MAML3: variants seen among roughly 807,000 people sequenced by gnomAD.
MAML3 encodes the protein mastermind-like protein 3.
A neutral mutation model predicts 101.9 loss-of-function variants in MAML3; 27 were observed. The observed-to-expected ratio is 0.27, with a 90% CI of 0.20 to 0.37. The LOEUF (loss-of-function observed/expected upper bound fraction) is 0.37. MAML3 is among the 10% of genes least tolerant of loss of function. MAML3 has a pLI of 1.00. For synonymous variants in MAML3, 501 were observed against 555.9 expected (o/e 0.90, Z 1.39); for missense variants, 1,316 against 1,444.9 (o/e 0.91, Z 1.45).
chr4:139,915,196 G>T (rs756525487), intron 1 of MAML3, among the ~76,000 whole-genome samples: 2 of 152,228 alleles, frequency 1.3e-5, no homozygotes, highest in African/African-American at 2.4e-5. Flanking sequence ...AAAGGCTTGA[G>T]AGGCTGATCA....
At chr4:139,810,104 T>C (rs1311817372) in intron 2 of MAML3, among the ~76,000 whole-genome samples, 1 of 143,986 alleles carries the variant, frequency 6.9e-6, no homozygotes, top group African/African-American at 2.9e-5. Flanking sequence ...AAAAATACAT[T>C]TTTTTTGACT....
intron 2 of MAML3, among the ~76,000 whole-genome samples, chr4:139,881,535 C>T (rs795981): frequency 0.25 from 37,839 of 152,000 alleles, 7,729 homozygotes; most frequent in African/African-American, 0.57. Context: ...AAGCACCACA[C>T]TTTACAAGCC....
intron 1 of MAML3, among the ~76,000 whole-genome samples, chr4:140,035,797 AC>A (rs756447372): frequency 0.02 from 2,953 of 145,776 alleles, 39 homozygotes; most frequent in Non-Finnish European, 0.031. Flanking sequence ...AAAAAAAAAA[AC>A]CCAAAAACAA....
At chr4:140,144,610 A>G (rs2111058400) in intron 1 of MAML3, among the ~76,000 whole-genome samples, 1 of 152,236 alleles carries the variant, frequency 6.6e-6, no homozygotes, top group East Asian at 1.9e-4. Flanking sequence ...TGGCAGTAGT[A>G]ATAATTTAAG....
chr4:140,049,986 A>C (rs769202244), intron 1 of MAML3, among the ~76,000 whole-genome samples: 3 of 152,118 alleles, frequency 2.0e-5, no homozygotes, highest in Non-Finnish European at 4.4e-5. Context: ...GCAAAAGAGA[A>C]ATCTAGCAGA....
chr4:139,877,954 G>T (rs1732145851), intron 2 of MAML3, among the ~76,000 whole-genome samples: 1 of 151,884 alleles, frequency 6.6e-6, no homozygotes, highest in African/African-American at 2.4e-5. Context: ...ATTTATTCAA[G>T]CACCAAGTTC....
chr4:139,857,296 C>T (rs79195289), intron 2 of MAML3, among the ~76,000 whole-genome samples: 2,328 of 152,244 alleles, frequency 0.015, 69 homozygotes, highest in African/African-American at 0.053. Context: ...GGCTCAAATA[C>T]ATCCGACAAA....
At chr4:139,873,075 C>A (rs1732046060) in intron 2 of MAML3, among the ~76,000 whole-genome samples, 1 of 151,896 alleles carries the variant, frequency 6.6e-6, no homozygotes, top group Non-Finnish European at 1.5e-5. Context: ...GAGTGAGACT[C>A]CATCTCAAAA....
intron 1 of MAML3, among the ~76,000 whole-genome samples, chr4:139,902,263 G>GCGCGCGCACACA (rs1182551411): frequency 1.6e-5 from 1 of 63,946 alleles, no homozygotes; most frequent in African/African-American, 3.0e-5. Flanking sequence ...GCACACACAC[G>GCGCGCGCACACA]CACACACACA....
At chr4:140,131,097 C>A (rs2111039870) in intron 1 of MAML3, among the ~76,000 whole-genome samples, 1 of 152,224 alleles carries the variant, frequency 6.6e-6, no homozygotes, top group Non-Finnish European at 1.5e-5. Flanking sequence ...ATCTGCTGGC[C>A]AAAACCCTCC....
intron 1 of MAML3, among the ~76,000 whole-genome samples, chr4:140,029,494 T>C (rs1726874921): frequency 6.6e-6 from 1 of 152,236 alleles, no homozygotes; most frequent in South Asian, 2.1e-4. Flanking sequence ...TTAACTGTTA[T>C]TGCTGGATTA....
At chr4:140,113,621 C>T (rs1728473868) in intron 1 of MAML3, among the ~76,000 whole-genome samples, 1 of 152,192 alleles carries the variant, frequency 6.6e-6, no homozygotes, top group Non-Finnish European at 1.5e-5. Context: ...CAATATCTTT[C>T]AACATAAAAC....
At chr4:139,744,592 T>C (rs1399021750) in intron 2 of MAML3, among the ~76,000 whole-genome samples, 1 of 152,154 alleles carries the variant, frequency 6.6e-6, no homozygotes, top group Non-Finnish European at 1.5e-5. Context: ...AATTTGAATA[T>C]GCATCCCACT....
chr4:139,831,681 T>C (rs2111134123), intron 2 of MAML3, among the ~76,000 whole-genome samples: 1 of 152,122 alleles, frequency 6.6e-6, no homozygotes, highest in African/African-American at 2.4e-5. Flanking sequence ...CTCCTATGAG[T>C]ACCCAAAGCC....
chr4:139,846,405 G>A (rs1216686161), intron 2 of MAML3, among the ~76,000 whole-genome samples: 2 of 152,132 alleles, frequency 1.3e-5, no homozygotes, highest in Non-Finnish European at 2.9e-5. Flanking sequence ...GGAGTGCAGT[G>A]GCACAATCAT....
At chr4:140,098,740 C>T (rs570757202) in intron 1 of MAML3, among the ~76,000 whole-genome samples, 9 of 152,372 alleles carry the variant, frequency 5.9e-5, no homozygotes, top group Admixed American at 6.5e-5. Flanking sequence ...GGGCTATTCA[C>T]CTGGGGACCC....
chr4:140,041,988 A>G lies in MAML3; in HGVS notation c.468+110872T>C, dbSNP rs1020119735. On this transcript the variant is annotated intron_variant, in intron 1 of 4. Coordinates refer to ENST00000509479, the MANE Select transcript of MAML3 (RefSeq NM_018717.5). ...CTTTACTAAGGTCTTACTAGGTATA[A>G]GGTACCATTGGTAACATGTATTAAC... Among the ~76,000 whole-genome samples, 33 of 152,226 alleles carry G rather than the reference A, an allele frequency of 2.2e-4. 1 individual carries two copies. Among genetic ancestry groups the G allele is most frequent in the Non-Finnish European group, 4.4e-5 (3 of 68,042 alleles).
chr4:139,905,820 A>G (rs1281874990), intron 1 of MAML3, among the ~76,000 whole-genome samples: 1 of 152,148 alleles, frequency 6.6e-6, no homozygotes, highest in Non-Finnish European at 1.5e-5. Flanking sequence ...GATAATAGTC[A>G]TCTTCAGTTA....
chr4:139,992,437 A>G (rs75957854), intron 1 of MAML3, among the ~76,000 whole-genome samples: 3,399 of 152,262 alleles, frequency 0.022, 60 homozygotes, highest in South Asian at 0.05. Context: ...TTTTTTTCCC[A>G]AAACGGCTGT....
Sources: allele counts gnomAD v4.1 joint callset (sites outside exome capture counted in the v4.1 genomes callset), GRCh38; gene constraint gnomAD v4.1.1; transcripts MANE v1.5; gene names NCBI Gene and HGNC (gene_info 2026-07-23, HGNC 2026-07-21).